Variants in MAST4 observed in about 807,000 individuals in gnomAD.
MAST4 encodes the protein microtubule-associated serine/threonine-protein kinase 4.
MAST4 carries 89 observed loss-of-function variants against 162.7 expected under a neutral mutation model. The observed-to-expected ratio is 0.55, with a 90% CI of 0.46 to 0.65. The LOEUF (loss-of-function observed/expected upper bound fraction) is 0.65. Among genes scored for constraint, MAST4 ranks in the 30% least tolerant of loss-of-function variants. The probability of loss-of-function intolerance (pLI) is 0.00; values close to 1 mark genes in which losing one functional copy is unlikely to be tolerated. For synonymous variants in MAST4, 1,479 were observed against 1,361.1 expected (o/e 1.09, Z -1.91); for missense variants, 3,153 against 3,374.0 (o/e 0.93, Z 1.62).
intron 3 of MAST4, among the ~76,000 whole-genome samples, chr5:66,883,617 C>G (rs1761848649): frequency 6.6e-6 from 1 of 151,856 alleles, no homozygotes; most frequent in Non-Finnish European, 1.5e-5. Flanking sequence ...TTAGTAGAGA[C>G]AGGATTTCAC....
intron 3 of MAST4, among the ~76,000 whole-genome samples, chr5:66,832,792 T>C (rs748920034): frequency 1.6e-4 from 24 of 152,228 alleles, no homozygotes; most frequent in Non-Finnish European, 3.5e-4. Flanking sequence ...AAGATTATAA[T>C]AGAAACATTT....
chr5:66,977,258 G>T (rs868505951), intron 4 of MAST4, among the ~76,000 whole-genome samples: 72 of 152,134 alleles, frequency 4.7e-4, no homozygotes, highest in African/African-American at 1.6e-3. Flanking sequence ...GCGCCACCAC[G>T]CCTGGCTAAT....
intron 21 of MAST4, among the ~76,000 whole-genome samples, chr5:67,144,464 A>T (rs923722820): frequency 4.1e-4 from 11 of 27,132 alleles, no homozygotes; most frequent in Non-Finnish European, 1.8e-3. Context: ...ATGTACACAC[A>T]CACACACACA....
chr5:66,783,016 T>C (rs1754949012), intron 2 of MAST4, among the ~76,000 whole-genome samples: 1 of 152,214 alleles, frequency 6.6e-6, no homozygotes, highest in African/African-American at 2.4e-5. Flanking sequence ...TGTCCTCTTT[T>C]CTCTATTAAC....
chr5:66,941,480 C>T (rs1436231989), intron 4 of MAST4, among the ~76,000 whole-genome samples: 4 of 152,028 alleles, frequency 2.6e-5, no homozygotes, highest in African/African-American at 7.2e-5. Flanking sequence ...TCTTAGCTCT[C>T]GTAGAATTGA....
intron 1 of MAST4, among the ~76,000 whole-genome samples, chr5:66,608,345 T>A (rs1357149156): frequency 2.1e-5 from 3 of 140,228 alleles, no homozygotes; most frequent in African/African-American, 8.1e-5. Flanking sequence ...CATGAACCAC[T>A]GTGCCTGGCC....
chr5:67,051,981 A>C (rs541675786), intron 4 of MAST4, among the ~76,000 whole-genome samples: 13 of 152,170 alleles, frequency 8.5e-5, no homozygotes, highest in Non-Finnish European at 1.6e-4. Flanking sequence ...CTTCATGTTG[A>C]AAGGAAAAAA....
At chr5:66,782,594 A>G (rs1754928601) in intron 2 of MAST4, among the ~76,000 whole-genome samples, 1 of 152,248 alleles carries the variant, frequency 6.6e-6, no homozygotes, top group African/African-American at 2.4e-5. Context: ...TATTGCCTCT[A>G]AATTTCTAGT....
intron 7 of MAST4, among the ~76,000 whole-genome samples, chr5:67,098,919 A>T (rs879626051): frequency 1.3e-5 from 2 of 152,212 alleles, no homozygotes; most frequent in Non-Finnish European, 2.9e-5. Flanking sequence ...ATCAACATTC[A>T]TACTAAGTAG....
chr5:66,869,469 A>AT (rs975715643), intron 3 of MAST4, among the ~76,000 whole-genome samples: 4 of 152,108 alleles, frequency 2.6e-5, no homozygotes, highest in South Asian at 2.1e-4. Flanking sequence ...ATTTCCTTGC[A>AT]TTTTTTTCCC....
At chr5:67,049,061 G>GTATATATATATA (rs139716277) in intron 4 of MAST4, among the ~76,000 whole-genome samples, 1 of 75,914 alleles carries the variant, frequency 1.3e-5, no homozygotes, top group African/African-American at 5.4e-5. Flanking sequence ...ATATATATAC[G>GTATATATATATA]TATATATATA....
chr5:67,125,926 C>G (rs2150971523), intron 14 of MAST4, among the ~76,000 whole-genome samples: 1 of 152,266 alleles, frequency 6.6e-6, no homozygotes, highest in African/African-American at 2.4e-5. Flanking sequence ...TGTTTCCTGA[C>G]TTTTTAAGGA....
At chr5:66,790,422 T>C (rs144348920) in intron 3 of MAST4, among the ~76,000 whole-genome samples, 167 of 152,358 alleles carry the variant, frequency 1.1e-3, no homozygotes, top group African/African-American at 3.7e-3. Context: ...AGAATAATTT[T>C]GAATGTGTGA....
At chr5:66,991,900 G>A (rs1561510393) in intron 4 of MAST4, among the ~76,000 whole-genome samples, 1 of 152,172 alleles carries the variant, frequency 6.6e-6, no homozygotes, top group Non-Finnish European at 1.5e-5. Context: ...TTTTCTGTGT[G>A]TTTTGCATCA....
Position 66,596,911 on chromosome 5 carries a change from G to T in MAST4, c.256G>T (p.Val86Leu). ...RAPAAWAPAS[V>L]LLERGVLALP... ...GCCCGCCGCGTGGGCTCCGGCAAGC[G>T]TGCTGCTGGAGCGCGGAGTCCTTGC... is the stretch of plus-strand genomic sequence containing the variant. The change falls in exon 1 of 29, where the codon GTG (valine) becomes TTG (leucine). Residue 86 changes from valine to leucine, a missense_variant. Physicochemically the swap from Val to Leu is conservative, Grantham distance 32 (BLOSUM62 1). Around this residue, in one of 7 missense-constraint regions of MAST4, gnomAD observed 327 missense variants for 336.5 expected, o/e 0.97. Transcript: ENST00000403625. 1 of 1,297,660 alleles carries T rather than the reference G, an allele frequency of 7.7e-7. No homozygotes were observed. The highest frequency in any genetic ancestry group is 9.8e-7 in the Non-Finnish European group (1 of 1,022,330). The allele number at this position is 1,297,660 out of a possible 1,614,324, so 80.4% of individuals were successfully genotyped here.
intron 1 of MAST4, among the ~76,000 whole-genome samples, chr5:66,597,683 G>A (rs1204180427): frequency 6.6e-6 from 1 of 152,188 alleles, no homozygotes; most frequent in African/African-American, 2.4e-5. Flanking sequence ...ACCGAGTACA[G>A]ATCGTCTTAC....
chr5:66,770,169 T>C (rs987187250), intron 2 of MAST4, among the ~76,000 whole-genome samples: 1 of 152,238 alleles, frequency 6.6e-6, no homozygotes, highest in Non-Finnish European at 1.5e-5. Flanking sequence ...CCGGTGACAA[T>C]GCATGGTTTT....
chr5:67,129,178 A>G (rs1162508998), intron 14 of MAST4, among the ~76,000 whole-genome samples: 2 of 152,174 alleles, frequency 1.3e-5, no homozygotes, highest in Non-Finnish European at 2.9e-5. Flanking sequence ...ATACAGCTCC[A>G]TCGTTGGCCC....
intron 3 of MAST4, among the ~76,000 whole-genome samples, chr5:66,875,899 C>T (rs1210973064): frequency 6.6e-6 from 1 of 152,126 alleles, no homozygotes; most frequent in Non-Finnish European, 1.5e-5. Flanking sequence ...GTAGCTAGGA[C>T]TACAGGTGCA....
Sources: gnomAD v4.1 joint callset for allele counts (sites outside exome capture counted in the v4.1 genomes callset) on GRCh38, gnomAD v4.1.1 for gene constraint, gnomAD v4.1.1 regional missense constraint, MANE v1.5 for transcripts, NCBI Gene and HGNC (gene_info 2026-07-23, HGNC 2026-07-21) for gene names.